Variants in ZBTB37 observed in about 807,000 individuals in gnomAD.
ZBTB37 encodes the protein zinc finger and BTB domain containing 37.
ZBTB37 carries 15 observed loss-of-function variants against 37.7 expected under a neutral mutation model. The observed-to-expected ratio is 0.40, with a 90% CI of 0.27 to 0.61. The LOEUF (loss-of-function observed/expected upper bound fraction) is 0.61. Ranked by LOEUF, ZBTB37 falls within the 20% of genes least tolerant of loss-of-function variation. The probability of loss-of-function intolerance (pLI) is 0.44; values close to 1 mark genes in which losing one functional copy is unlikely to be tolerated. For missense variants in ZBTB37, 514 were observed against 641.9 expected (o/e 0.80, Z 2.15); for synonymous variants, 231 against 220.6 (o/e 1.05, Z -0.42).
At chr1:173,876,629 AT>A (rs1303445920) in intron 4 of ZBTB37, among the ~76,000 whole-genome samples, 1 of 152,146 alleles carries the variant, frequency 6.6e-6, no homozygotes, top group Non-Finnish European at 1.5e-5. Flanking sequence ...AAACCACTGA[AT>A]ATTTATTGTG....
chr1:173,873,470 T>C lies in ZBTB37; in HGVS notation c.927T>C (p.Phe309=), dbSNP rs1390232394. The change falls in exon 4 of 5, where the codon TTT becomes TTC. Residue 309 remains phenylalanine, a synonymous_variant. Coordinates refer to ENST00000427304, the Ensembl canonical transcript of ZBTB37. ...CTTTATGTTCCTCTTCCAACAGATT[T>C]AGCCCCTCCGGCAGTGTTGTTCCCT... 4.4e-6 allele frequency: 7 copies of C among 1,606,184 alleles called. 1 individual carries two copies. Among genetic ancestry groups the C allele is most frequent in the Middle Eastern group, 3.3e-4 (2 of 6,026 alleles).
At chr1:173,884,574 T>C (rs1384899751) in intron 4 of ZBTB37, among the ~76,000 whole-genome samples, 1 of 152,230 alleles carries the variant, frequency 6.6e-6, no homozygotes, top group Non-Finnish European at 1.5e-5. Context: ...AGTTAAACTT[T>C]AGTAGTCTTT....
At chr1:173,891,445 T>A (rs1656835582), downstream of ZBTB37, 1 of 152,076 alleles carries the variant, frequency 6.6e-6, no homozygotes, top group Non-Finnish European at 1.5e-5. Context: ...TGAAACATAA[T>A]GAAACATCTG....
At position 173,871,116 on chromosome 1, in the gene ZBTB37, G is replaced by C. The variant is rs369070799; in HGVS notation, c.891G>C (p.Lys297Asn). The C allele has an allele frequency of 1.6e-5, 25 of 1,610,578 alleles. No homozygotes were observed. In the African/African-American group the frequency reaches 2.3e-4, roughly 15 times the overall value. Reference sequence around the variant, plus strand: ...ATACTTTAGGGTCTTCAGGAGCCAAGGTGGCTCGGCCAACAAGCAGTGAAG... The same window carrying C: ...ATACTTTAGGGTCTTCAGGAGCCAACGTGGCTCGGCCAACAAGCAGTGAAG... The change falls in exon 3 of 5, where the codon AAG becomes AAC. Residue 297 changes from lysine (K) to asparagine (N), a missense_variant. Transcript: ENST00000427304.
At chr1:173,880,988 G>T (rs1476115336) in intron 4 of ZBTB37, among the ~76,000 whole-genome samples, 1 of 151,016 alleles carries the variant, frequency 6.6e-6, no homozygotes, top group Non-Finnish European at 1.5e-5. Context: ...AAGTTCTAGG[G>T]TACATGTGCA....
intron 4 of ZBTB37, among the ~76,000 whole-genome samples, chr1:173,877,683 C>T (rs1249264057): frequency 1.3e-5 from 2 of 152,076 alleles, no homozygotes; most frequent in African/African-American, 4.8e-5. Context: ...CTTGGTCTCC[C>T]AAGGGGTGAG....
exon 4 of ZBTB37, chr1:173,901,207 C>T (rs1657245830): frequency 6.6e-6 from 1 of 152,080 alleles, no homozygotes; most frequent in African/African-American, 2.4e-5. Flanking sequence ...CCACCCTGCT[C>T]CATCCCCCTA....
chr1:173,873,236 A>C (rs1655690592), intron 3 of ZBTB37, among the ~76,000 whole-genome samples: 1 of 152,326 alleles, frequency 6.6e-6, no homozygotes, highest in Middle Eastern at 3.4e-3. Context: ...TAGCTTCACC[A>C]GCTCATATGT....
exon 4 of ZBTB37, chr1:173,897,010 ACT>A (rs1422889690): frequency 6.6e-6 from 1 of 152,188 alleles, no homozygotes; most frequent in Non-Finnish European, 1.5e-5. Flanking sequence ...AAATCATGTA[ACT>A]CGAATTTTTT....
chr1:173,869,394 T>A (rs539283106), intron 2 of ZBTB37, among the ~76,000 whole-genome samples: 13 of 152,360 alleles, frequency 8.5e-5, no homozygotes, highest in East Asian at 7.7e-4. Flanking sequence ...AGCCATTTTT[T>A]AAAAATATTT....
exon 4 of ZBTB37, chr1:173,899,835 G>A (rs1035042341): frequency 6.6e-6 from 1 of 152,190 alleles, no homozygotes; most frequent in Non-Finnish European, 1.5e-5. Flanking sequence ...CAAGGCTTAG[G>A]TAGTAAAATG....
At chr1:173,873,040 C>G (rs1002297536) in intron 3 of ZBTB37, among the ~76,000 whole-genome samples, 24 of 151,504 alleles carry the variant, frequency 1.6e-4, no homozygotes, top group Non-Finnish European at 2.2e-4. Context: ...AATTTCAATG[C>G]AAAGATTTTT....
chr1:173,891,331 C>T (rs1656831801), downstream of ZBTB37: 1 of 152,162 alleles, frequency 6.6e-6, no homozygotes, highest in South Asian at 2.1e-4. Context: ...GAACCCCTAC[C>T]TTTTCCCTTT....
chr1:173,876,510 G>C (rs560804359), intron 4 of ZBTB37, among the ~76,000 whole-genome samples: 12 of 152,086 alleles, frequency 7.9e-5, no homozygotes, highest in Non-Finnish European at 1.8e-4. Context: ...TAGAGACAGG[G>C]TTTCACCATA....
chr1:173,883,703 CAA>C (rs1656461573), intron 4 of ZBTB37, among the ~76,000 whole-genome samples: 1 of 152,094 alleles, frequency 6.6e-6, no homozygotes, highest in South Asian at 2.1e-4. Context: ...TAATATGAAA[CAA>C]ATAAAATAAT....
intron 4 of ZBTB37, among the ~76,000 whole-genome samples, chr1:173,879,694 G>A (rs561183747): frequency 6.6e-6 from 1 of 152,314 alleles, no homozygotes; most frequent in African/African-American, 2.4e-5. Flanking sequence ...GCTCACACTT[G>A]TAATCCCAGC....
rs893456408 is a variant in ZBTB37 at position 173,885,881 on chromosome 1, C to T, written c.1269C>T (p.His423=). Reference sequence around the variant, plus strand: ...AGCTGGAGTATCATATCCGCAAGCACACAGGCAACAAGCCCTTTCACTGTC... The same window carrying T: ...AGCTGGAGTATCATATCCGCAAGCATACAGGCAACAAGCCCTTTCACTGTC... Residue 423 remains histidine, a synonymous_variant, in exon 5 of 5, where the codon CAC becomes CAT. Coordinates refer to ENST00000427304, the Ensembl canonical transcript of ZBTB37. 4.5e-6 allele frequency: 7 copies of T among 1,551,762 alleles called. No homozygotes were observed. The African/African-American group carries it at 9.6e-5, about 21-fold the overall frequency.
chr1:173,892,867 TGAG>T (rs763099930), exon 4 of ZBTB37: 1 of 152,176 alleles, frequency 6.6e-6, no homozygotes, highest in Non-Finnish European at 1.5e-5. Context: ...TAGGTCCTGT[TGAG>T]GAGGCTAGAA....
chr1:173,881,013 G>C (rs1464386176), intron 4 of ZBTB37, among the ~76,000 whole-genome samples: 17 of 149,844 alleles, frequency 1.1e-4, no homozygotes, highest in Admixed American at 1.1e-3. Context: ...GTGCAGGTTT[G>C]TTACATATGT....
Sources: allele counts gnomAD v4.1 joint callset (sites outside exome capture counted in the v4.1 genomes callset), GRCh38; gene constraint gnomAD v4.1.1; transcripts MANE v1.5; gene names NCBI Gene and HGNC (gene_info 2026-07-23, HGNC 2026-07-21).